The following CLSTN3 variants were observed in gnomAD, a reference collection of about 807,000 sequenced individuals.
CLSTN3 encodes the protein calsyntenin 3.
A neutral mutation model predicts 95.9 loss-of-function variants in CLSTN3; 36 were observed. That is an observed-to-expected ratio of 0.38 (90% confidence interval 0.29 to 0.50). The LOEUF (loss-of-function observed/expected upper bound fraction) is 0.50. Among genes scored for constraint, CLSTN3 ranks in the 20% least tolerant of loss-of-function variants. CLSTN3 has a pLI of 0.95. For missense variants in CLSTN3, 1,084 were observed against 1,268.8 expected (o/e 0.85, Z 2.21); for synonymous variants, 481 against 504.0 (o/e 0.95, Z 0.61).
In CLSTN3 at chr12:7,143,202, GGGGATGATGT is replaced by G; in HGVS notation, c.1741_1750del (p.Asp581ArgfsTer13). On this transcript the variant is annotated frameshift_variant, in exon 12 of 18. Coordinates refer to ENST00000266546, the MANE Select transcript of CLSTN3 (RefSeq NM_014718.4). LOFTEE classifies it high-confidence loss of function. Reference sequence around the variant, plus strand: ...CTCACAGTCCCTGCTCACCCTGGAGGGGGATGATGTGGAGACCTTCAACCATGCCCTGCAG... The same window carrying G: ...CTCACAGTCCCTGCTCACCCTGGAGGGGAGACCTTCAACCATGCCCTGCAG... The G allele has an allele frequency of 6.2e-7, 1 of 1,614,138 alleles. No homozygotes were observed. The highest frequency in any genetic ancestry group is 8.5e-7 in the Non-Finnish European group (1 of 1,180,026).
At position 7,137,024 on chromosome 12, in the gene CLSTN3, C is replaced by T. The variant is rs768166019; in HGVS notation, c.1124C>T (p.Thr375Ile). Residue 375 changes from threonine to isoleucine, a missense_variant, in exon 7 of 18, where the codon ACC becomes ATC. Physicochemically the swap from Thr to Ile is moderately conservative, Grantham distance 89. Coordinates refer to ENST00000266546, the MANE Select transcript of CLSTN3 (RefSeq NM_014718.4). This position sits in a 1 kb window ranked among gnomAD's most constrained non-coding sequence, Gnocchi z 4.4. The stretch of plus-strand genomic sequence containing the variant: ...CAGGACAGCCTCAGTGACCACTTCA[C>T]CCTGTCCTTCTGGATGAAGCATGGC... Reference protein sequence around the residue: ...GPQDSLSDHFTLSFWMKHGVT... With the variant: ...GPQDSLSDHFILSFWMKHGVT... 1 of 1,614,202 alleles carries T rather than the reference C, an allele frequency of 6.2e-7. No homozygotes were observed. Among genetic ancestry groups the T allele is most frequent in the Non-Finnish European group, 8.5e-7 (1 of 1,180,024 alleles).
At chr12:7,135,120 A>G (rs2135796148) in intron 3 of CLSTN3, among the ~76,000 whole-genome samples, 1 of 151,692 alleles carries the variant, frequency 6.6e-6, no homozygotes, top group East Asian at 1.9e-4. Flanking sequence ...TTGTGCCCAT[A>G]TTGAGGCTGT....
Position 7,132,706 on chromosome 12 carries a change from C to T in CLSTN3, c.65-318C>T, listed in dbSNP as rs117356908. On this transcript the variant is annotated intron_variant, in intron 1 of 17. Transcript: ENST00000266546. ...GTCTCCATTCTCTAGCACGTGAAAT[C>T]GCTAAAGAACATTCTCCACTTCCTG... The T allele has an allele frequency of 4.6e-4, 267 of 581,088 alleles. 4 individuals are homozygous for T. In the South Asian group the frequency reaches 4.9e-3, roughly 11 times the overall value. 36.0% of individuals were successfully genotyped at this position (581,088 alleles called of 1,614,324 possible).
At chr12:7,145,364 TGTGTG>T (rs1371705068) in intron 12 of CLSTN3, among the ~76,000 whole-genome samples, 19 of 151,810 alleles carry the variant, frequency 1.3e-4, no homozygotes, top group Admixed American at 1.2e-3. Context: ...TGTGTGTGTG[TGTGTG>T]TGCGCGCGCA....
In CLSTN3 at chr12:7,157,787, T is replaced by C; in HGVS notation, c.2730+96T>C. The C allele has an allele frequency of 6.7e-7, 1 of 1,496,532 alleles. No homozygotes were observed. Among genetic ancestry groups the C allele is most frequent in the Non-Finnish European group, 9.0e-7 (1 of 1,110,182 alleles). The allele number at this position is 1,496,532 out of a possible 1,614,324, so 92.7% of individuals were successfully genotyped here. On this transcript the variant is annotated intron_variant, in intron 17 of 17. Transcript: ENST00000266546. This position sits in a 1 kb window ranked among gnomAD's most constrained non-coding sequence, Gnocchi z 5.9. ...GAGGGGCAGGCCTGGGTGGAGGCTG[T>C]TCGCAGAGCTGCAGTGAGCCGGAGG...
At chr12:7,139,684 C>T (rs753573334) in intron 8 of CLSTN3, among the ~76,000 whole-genome samples, 31 of 151,188 alleles carry the variant, frequency 2.1e-4, no homozygotes, top group African/African-American at 7.0e-4. Context: ...GAGTCTCACT[C>T]TGTCACTAGG....
rs766133277 is a variant in CLSTN3, at chr12:7,150,727, C to G, written c.2391+38C>G. 2 of 1,602,638 alleles carry G rather than the reference C, an allele frequency of 1.2e-6. No individual in the cohort carries two copies. Among genetic ancestry groups the G allele is most frequent in the South Asian group, 2.2e-5 (2 of 90,622 alleles). ...TCTCCTTCCTTCCACAGTTACCCAC[C>G]CCCAGAAAGGAGCTGAGGTGGCATG... On this transcript the variant is annotated intron_variant, in intron 15 of 17. Transcript: ENST00000266546. The surrounding 1 kb of genome is among the most constrained non-coding windows in gnomAD (Gnocchi z 4.0).
Position 7,130,488 on chromosome 12 carries a change from C to T in CLSTN3, c.-161C>T. ...ACCCAGATTGGGATCTGCCCAGGCC[C>T]GCTTTATGGACTAGTGTGGGCGGCA... On this transcript the variant is annotated 5_prime_UTR_variant, in exon 1 of 18. Transcript: ENST00000266546. 2 of 1,524,810 alleles carry T rather than the reference C, an allele frequency of 1.3e-6. No homozygotes were observed. The highest frequency in any genetic ancestry group is 1.8e-6 in the Non-Finnish European group (2 of 1,139,526). 94.5% of individuals were successfully genotyped at this position (1,524,810 alleles called of 1,614,324 possible).
At chr12:7,140,813 G>A (rs1939511815) in intron 8 of CLSTN3, among the ~76,000 whole-genome samples, 1 of 152,150 alleles carries the variant, frequency 6.6e-6, no homozygotes, top group Admixed American at 6.5e-5. Flanking sequence ...AGGCTGAAGT[G>A]GGAGGATTGC....
intron 1 of CLSTN3, chr12:7,130,921 C>G (rs1939287312): frequency 3.3e-6 from 2 of 612,932 alleles, no homozygotes; most frequent in African/African-American, 1.8e-5. Flanking sequence ...TCCATCTCTA[C>G]CCATGCGTTT....
In CLSTN3 at chr12:7,150,815, T is replaced by C; in HGVS notation, c.2392-113T>C. The stretch of plus-strand genomic sequence containing the variant: ...CGTGGAGGGCTGCTGGACCTTGCAG[T>C]GGGTGGAGGAGAAGGAGATGGGGGC... On this transcript the variant is annotated intron_variant, in intron 15 of 17. Transcript: ENST00000266546. This position sits in a 1 kb window ranked among gnomAD's most constrained non-coding sequence, Gnocchi z 4.0. 1.3e-6 allele frequency: 2 copies of C among 1,546,798 alleles called. No individual in the cohort carries two copies. The highest frequency in any genetic ancestry group is 1.8e-6 in the Non-Finnish European group (2 of 1,137,832).
At chr12:7,154,001 C>T (rs1265292784) in intron 16 of CLSTN3, among the ~76,000 whole-genome samples, 1 of 152,308 alleles carries the variant, frequency 6.6e-6, no homozygotes, top group Non-Finnish European at 1.5e-5. Flanking sequence ...AGCTCATGTC[C>T]AGGCTGATCA....
intron 1 of CLSTN3, chr12:7,130,935 T>C: frequency 1.7e-6 from 1 of 601,840 alleles, no homozygotes; most frequent in Non-Finnish European, 3.0e-6. Flanking sequence ...TGCGTTTCTC[T>C]TGCTGGTCAT....
intron 12 of CLSTN3, among the ~76,000 whole-genome samples, chr12:7,147,990 A>T (rs1412640073): frequency 6.6e-6 from 1 of 152,098 alleles, no homozygotes; most frequent in Non-Finnish European, 1.5e-5. Context: ...TCTCATCTCT[A>T]CTAAAAATAC....
At chr12:7,134,498 G>T (rs1282734008) in intron 3 of CLSTN3, among the ~76,000 whole-genome samples, 1 of 152,230 alleles carries the variant, frequency 6.6e-6, no homozygotes, top group African/African-American at 2.4e-5. Context: ...TGCCTCTGGG[G>T]CCTGGGAGCC....
At chr12:7,143,610 C>T (rs1193123680) in intron 12 of CLSTN3, among the ~76,000 whole-genome samples, 1 of 152,182 alleles carries the variant, frequency 6.6e-6, no homozygotes, top group Non-Finnish European at 1.5e-5. Context: ...AAGTGGGACA[C>T]AGGATTGGGA....
At chr12:7,136,449 A>C (rs763552400) in intron 6 of CLSTN3, 58 bp downstream of exon 6, 3 of 1,457,964 alleles carry the variant, frequency 2.1e-6, no homozygotes, top group South Asian at 1.4e-5. Flanking sequence ...CCTCTGTCCA[A>C]ACTTTTCCAA....
chr12:7,152,470 C>T (rs1939740297), intron 16 of CLSTN3, among the ~76,000 whole-genome samples: 1 of 152,024 alleles, frequency 6.6e-6, no homozygotes. Flanking sequence ...AACATTAAAC[C>T]CACTCTCAAA....
At chr12:7,132,230 A>G (rs905428779) in intron 1 of CLSTN3, among the ~76,000 whole-genome samples, 1 of 151,852 alleles carries the variant, frequency 6.6e-6, no homozygotes, top group African/African-American at 2.4e-5. Context: ...GTTTCAGGGA[A>G]TGTGGTTTGA....
Sources: gnomAD v4.1 joint callset for allele counts (sites outside exome capture counted in the v4.1 genomes callset) on GRCh38, gnomAD v4.1.1 for gene constraint, Gnocchi (gnomAD v3.1) non-coding constraint, MANE v1.5 for transcripts, NCBI Gene and HGNC (gene_info 2026-07-23, HGNC 2026-07-21) for gene names.